The following ADGRV1 variants were observed in gnomAD, a reference collection of about 807,000 sequenced individuals.
ADGRV1 encodes the protein G-protein coupled receptor 98.
ADGRV1 carries 359 observed loss-of-function variants against 596.2 expected under a neutral mutation model. The observed-to-expected ratio is 0.60, with a 90% CI of 0.55 to 0.66. ADGRV1 has a LOEUF of 0.66. ADGRV1 is among the 30% of genes least tolerant of loss of function. The probability of loss-of-function intolerance (pLI) is 0.00; values close to 1 mark genes in which losing one functional copy is unlikely to be tolerated. For missense variants in ADGRV1, 7,274 were observed against 7,575.6 expected (o/e 0.96, Z 1.48); for synonymous variants, 2,681 against 2,679.2 (o/e 1.00, Z -0.02).
At chr5:91,096,370 T>C (rs1418025087) in intron 86 of ADGRV1, among the ~76,000 whole-genome samples, 1 of 152,200 alleles carries the variant, frequency 6.6e-6, no homozygotes, top group Non-Finnish European at 1.5e-5. Flanking sequence ...AATAATATTT[T>C]TCACTAAAAA....
intron 83 of ADGRV1, among the ~76,000 whole-genome samples, chr5:90,937,945 C>G (rs1484692155): frequency 6.6e-6 from 1 of 152,122 alleles, no homozygotes; most frequent in African/African-American, 2.4e-5. Context: ...TTAATTTTAT[C>G]TAAAGTGCAT....
At chr5:90,866,879 C>G (rs1423637112) in intron 83 of ADGRV1, among the ~76,000 whole-genome samples, 1 of 152,006 alleles carries the variant, frequency 6.6e-6, no homozygotes, top group Non-Finnish European at 1.5e-5. Flanking sequence ...AAAAAATGTA[C>G]ATATTTCTTC....
At chr5:90,577,373 A>T (rs1469802800) in intron 1 of ADGRV1, among the ~76,000 whole-genome samples, 1 of 152,238 alleles carries the variant, frequency 6.6e-6, no homozygotes, top group Non-Finnish European at 1.5e-5. Context: ...TTAGATAAAG[A>T]ATCCTTTCCC....
At chr5:91,001,029 C>T (rs1205406542) in intron 85 of ADGRV1, among the ~76,000 whole-genome samples, 1 of 152,142 alleles carries the variant, frequency 6.6e-6, no homozygotes, top group Non-Finnish European at 1.5e-5. Flanking sequence ...AAAAAACACC[C>T]AGAATAATGT....
At chr5:90,946,738 G>C (rs866699150) in intron 83 of ADGRV1, among the ~76,000 whole-genome samples, 3 of 152,038 alleles carry the variant, frequency 2.0e-5, no homozygotes, top group Admixed American at 6.6e-5. Flanking sequence ...CCCTGTGTTA[G>C]TTTGCTGAGG....
chr5:90,780,374 G>A, intron 64 of ADGRV1, among the ~76,000 whole-genome samples: 1 of 151,958 alleles, frequency 6.6e-6, no homozygotes, highest in East Asian at 1.9e-4. Flanking sequence ...TTCTAATTTT[G>A]CCTTTTATAT....
At chr5:90,560,783 T>A (rs1172675284) in intron 1 of ADGRV1, among the ~76,000 whole-genome samples, 1 of 152,184 alleles carries the variant, frequency 6.6e-6, no homozygotes, top group Non-Finnish European at 1.5e-5. Context: ...AGTTGTATTC[T>A]CAGAAAGTGA....
intron 83 of ADGRV1, among the ~76,000 whole-genome samples, chr5:90,887,049 G>A (rs1176776823): frequency 6.6e-6 from 1 of 152,120 alleles, no homozygotes; most frequent in East Asian, 1.9e-4. Context: ...TTTTAAAGAT[G>A]TCATGCGTGT....
At chr5:91,122,506 T>C (rs905284550) in intron 87 of ADGRV1, among the ~76,000 whole-genome samples, 1 of 152,240 alleles carries the variant, frequency 6.6e-6, no homozygotes, top group Non-Finnish European at 1.5e-5. Context: ...TTATTAGCAC[T>C]CTCTGCTCTA....
intron 52 of ADGRV1, among the ~76,000 whole-genome samples, chr5:90,746,456 G>A (rs891464763): frequency 6.6e-6 from 1 of 152,142 alleles, no homozygotes; most frequent in Non-Finnish European, 1.5e-5. Flanking sequence ...TATAGCTGCA[G>A]CTATCATGTA....
intron 89 of ADGRV1, among the ~76,000 whole-genome samples, chr5:91,158,899 GGATA>G (rs1179867066): frequency 1.5e-4 from 21 of 137,270 alleles, no homozygotes; most frequent in African/African-American, 2.6e-4. Flanking sequence ...ATGGATGGAT[GGATA>G]GATGCATGGG....
intron 87 of ADGRV1, among the ~76,000 whole-genome samples, chr5:91,121,034 C>G (rs951574649): frequency 6.6e-5 from 10 of 152,064 alleles, no homozygotes; most frequent in African/African-American, 2.4e-4. Flanking sequence ...ATTAGCCTGG[C>G]ATGGTAGCAG....
At chr5:90,591,236 AC>A (rs1759465265) in intron 1 of ADGRV1, among the ~76,000 whole-genome samples, 1 of 152,144 alleles carries the variant, frequency 6.6e-6, no homozygotes, top group Admixed American at 6.6e-5. Context: ...TACTAAAAAT[AC>A]AAAAAATTAG....
intron 54 of ADGRV1, among the ~76,000 whole-genome samples, 173 bp from the exon 55 acceptor site, chr5:90,754,810 G>C (rs1384199456): frequency 3.3e-5 from 5 of 152,130 alleles, no homozygotes; most frequent in Admixed American, 6.5e-5. Context: ...CAACTTTGGG[G>C]ACCAGGAAGA....
chr5:90,877,893 A>G (rs1246111763), intron 83 of ADGRV1, among the ~76,000 whole-genome samples: 1 of 152,142 alleles, frequency 6.6e-6, no homozygotes, highest in Admixed American at 6.5e-5. Context: ...TTCAGAAAAA[A>G]AAATGAAACT....
At chr5:91,124,202 A>G (rs1373373929) in intron 87 of ADGRV1, among the ~76,000 whole-genome samples, 1 of 152,168 alleles carries the variant, frequency 6.6e-6, no homozygotes, top group Non-Finnish European at 1.5e-5. Flanking sequence ...ACCATTATTC[A>G]TTACAGTGAG....
chr5:91,137,838 G>A (rs1794770133), intron 87 of ADGRV1, among the ~76,000 whole-genome samples: 1 of 152,116 alleles, frequency 6.6e-6, no homozygotes, highest in African/African-American at 2.4e-5. Flanking sequence ...ATTACCAGGT[G>A]GACACTTAGC....
chr5:90,900,631 G>A (rs1045199291), intron 83 of ADGRV1, among the ~76,000 whole-genome samples: 6 of 151,992 alleles, frequency 3.9e-5, no homozygotes, highest in East Asian at 1.9e-4. Flanking sequence ...TTTCTTTGCC[G>A]CAACTATATG....
At chr5:90,765,743 C>T (rs1051228481) in intron 59 of ADGRV1, among the ~76,000 whole-genome samples, 2 of 151,732 alleles carry the variant, frequency 1.3e-5, no homozygotes, top group Non-Finnish European at 2.9e-5. Flanking sequence ...CTTATTCTGT[C>T]ACCCAGGCAG....
Sources: gnomAD v4.1 joint callset for allele counts (sites outside exome capture counted in the v4.1 genomes callset) on GRCh38, gnomAD v4.1.1 for gene constraint, MANE v1.5 for transcripts, NCBI Gene and HGNC (gene_info 2026-07-23, HGNC 2026-07-21) for gene names.